Variants in GDI2 observed in about 807,000 individuals in gnomAD.
GDI2 encodes rab GDP dissociation inhibitor beta.
In GDI2, 22 loss-of-function variants were observed where a neutral mutation model predicts 54.2. The ratio of observed to expected loss-of-function variants is 0.41; its 90% CI spans 0.29 to 0.58. The LOEUF (loss-of-function observed/expected upper bound fraction) is 0.58, where lower values mean the gene tolerates loss of function less well. Among genes scored for constraint, GDI2 ranks in the 20% least tolerant of loss-of-function variants. The pLI, the probability that GDI2 is intolerant of heterozygous loss-of-function variation, is 0.35. For missense variants in GDI2, 422 were observed against 546.0 expected (o/e 0.77, Z 2.26); for synonymous variants, 177 against 182.1 (o/e 0.97, Z 0.23).
intron 5 of GDI2, 89 bp from the exon 6 acceptor site, chr10:5,785,362 C>T (rs556895339): frequency 5.2e-5 from 50 of 956,650 alleles, no homozygotes; most frequent in African/African-American, 3.0e-4. Flanking sequence ...GATTTCAATC[C>T]GCTATCTTCT....
chr10:5,796,936 A>G, intron 2 of GDI2, 74 bp from the exon 3 acceptor site: 1 of 714,238 alleles, frequency 1.4e-6, no homozygotes, highest in South Asian at 1.7e-5. Flanking sequence ...CATATTTTTT[A>G]TTAAGTGCTT....
At chr10:5,775,089 A>C (rs924367203) in intron 6 of GDI2, among the ~76,000 whole-genome samples, 1 of 152,214 alleles carries the variant, frequency 6.6e-6, no homozygotes, top group Non-Finnish European at 1.5e-5. Context: ...GGAGTTTAAG[A>C]CCAGCCTTGG....
At chr10:5,783,486 G>A (rs1302889836) in intron 6 of GDI2, among the ~76,000 whole-genome samples, 2 of 152,040 alleles carry the variant, frequency 1.3e-5, no homozygotes, top group Non-Finnish European at 2.9e-5. Flanking sequence ...TCTATTCATC[G>A]TGCTATTTGT....
At chr10:5,788,049 G>A (rs182346451) in intron 4 of GDI2, among the ~76,000 whole-genome samples, 1 of 152,246 alleles carries the variant, frequency 6.6e-6, no homozygotes, top group Non-Finnish European at 1.5e-5. Flanking sequence ...TATGCATGGC[G>A]CCAAATAGTG....
chr10:5,796,927 A>G lies in GDI2; in HGVS notation c.154-65T>C, dbSNP rs1588983933. On this transcript the variant is annotated intron_variant, in intron 2 of 10. Transcript: ENST00000380191. Reference sequence around the variant, plus strand: ...TTTAATTTTTTATTACAATATGTACATATTTTTTATTAAGTGCTTTTAGTA... The same window carrying G: ...TTTAATTTTTTATTACAATATGTACGTATTTTTTATTAAGTGCTTTTAGTA... The G allele has an allele frequency of 1.6e-5, 12 of 752,004 alleles. No individual in the cohort carries two copies. The East Asian group carries it at 2.2e-4, about 14-fold the overall frequency. 46.6% of individuals were successfully genotyped at this position (752,004 alleles called of 1,614,324 possible).
chr10:5,805,095 G>A, intron 1 of GDI2, among the ~76,000 whole-genome samples: 1 of 152,062 alleles, frequency 6.6e-6, no homozygotes, highest in Non-Finnish European at 1.5e-5. Context: ...GCCTCCCAAA[G>A]TGCTGTGATT....
At chr10:5,795,407 C>A (rs1841123093) in intron 3 of GDI2, among the ~76,000 whole-genome samples, 1 of 152,138 alleles carries the variant, frequency 6.6e-6, no homozygotes, top group Non-Finnish European at 1.5e-5. Context: ...AGGCACGAGG[C>A]ACCGCGCCTG....
chr10:5,770,936 A>G (rs1840474657), intron 7 of GDI2, among the ~76,000 whole-genome samples: 2 of 139,834 alleles, frequency 1.4e-5, no homozygotes, highest in Admixed American at 7.8e-5. Context: ...ACTGCACTCC[A>G]GCCTGGGCAA....
intron 6 of GDI2, among the ~76,000 whole-genome samples, chr10:5,783,892 A>G (rs1275488303): frequency 6.6e-6 from 1 of 152,140 alleles, no homozygotes; most frequent in Non-Finnish European, 1.5e-5. Context: ...TCTTGACTTT[A>G]GTTAACCTGA....
Position 5,796,783 on chromosome 10 carries a change from G to T in GDI2, c.233C>A (p.Pro78His). 1 of 1,535,912 alleles carries T rather than the reference G, an allele frequency of 6.5e-7. No homozygotes were observed. Among genetic ancestry groups the T allele is most frequent in the Non-Finnish European group, 9.0e-7 (1 of 1,109,678 alleles). The change falls in exon 3 of 11, where the codon CCC (proline) becomes CAC (histidine). Residue 78 changes from proline to histidine, a missense_variant. Pro to His is a moderately conservative substitution (Grantham distance 77). Transcript: ENST00000380191. ...RGRDWNVDLI[P>H]KFLMANGQLV... is the part of the protein sequence containing the mutation. ...TTTACCATTAGCCATAAGGAACTTG[G>T]GAATCAAGTCAACATTCCAGTCTCT...
chr10:5,779,507 A>T (rs2131691779), intron 6 of GDI2, among the ~76,000 whole-genome samples: 1 of 151,762 alleles, frequency 6.6e-6, no homozygotes, highest in Non-Finnish European at 1.5e-5. Flanking sequence ...CGAAAAAAAA[A>T]AAATAAGAAA....
intron 4 of GDI2, among the ~76,000 whole-genome samples, chr10:5,791,645 G>A (rs1841014935): frequency 6.6e-6 from 1 of 151,992 alleles, no homozygotes; most frequent in African/African-American, 2.4e-5. Context: ...TACTCGGGAG[G>A]CTGAGACAGG....
At chr10:5,767,728 A>G (rs1205541260) in intron 8 of GDI2, among the ~76,000 whole-genome samples, 1 of 152,236 alleles carries the variant, frequency 6.6e-6, no homozygotes, top group East Asian at 1.9e-4. Flanking sequence ...AAATGGGAAC[A>G]TCGAAGGGTT....
chr10:5,768,932 C>G lies in GDI2; in HGVS notation c.820-548G>C, dbSNP rs1397118789. The G allele has an allele frequency of 6.6e-6, 1 of 152,148 alleles. No homozygotes were observed. Among genetic ancestry groups the G allele is most frequent in the Non-Finnish European group, 1.5e-5 (1 of 68,040 alleles). 9.4% of individuals were successfully genotyped at this position (152,148 alleles called of 1,614,324 possible). Reference sequence around the variant, plus strand: ...TGGCAGTAATTCCTTGTATCTAAAACCAAAGACACAGGCAACAAAGGAAAG... The same window carrying G: ...TGGCAGTAATTCCTTGTATCTAAAAGCAAAGACACAGGCAACAAAGGAAAG... On this transcript the variant is annotated intron_variant, in intron 7 of 10. Transcript: ENST00000380191. The surrounding 1 kb of genome is among the most constrained non-coding windows in gnomAD (Gnocchi z 4.4).
chr10:5,794,188 A>AAAAAAAAAATATAT (rs1448053813), intron 4 of GDI2, among the ~76,000 whole-genome samples: 2 of 40,338 alleles, frequency 5.0e-5, no homozygotes, highest in Non-Finnish European at 8.4e-5. Context: ...AAAAAAAAAA[A>AAAAAAAAAATATAT]ATATATATAT....
At chr10:5,793,247 G>A (rs972087331) in intron 4 of GDI2, among the ~76,000 whole-genome samples, 4 of 151,990 alleles carry the variant, frequency 2.6e-5, no homozygotes, top group African/African-American at 4.8e-5. Flanking sequence ...CTCCTACCAC[G>A]GCTTCCCAAA....
intron 7 of GDI2, among the ~76,000 whole-genome samples, chr10:5,770,582 G>C (rs1394906700): frequency 1.3e-5 from 2 of 150,528 alleles, no homozygotes; most frequent in Non-Finnish European, 3.0e-5. Context: ...AAGAGGAAAA[G>C]TGTTATGGAG....
chr10:5,773,041 GT>G (rs1224548781), intron 7 of GDI2, among the ~76,000 whole-genome samples: 1 of 151,964 alleles, frequency 6.6e-6, no homozygotes, highest in Non-Finnish European at 1.5e-5. Flanking sequence ...ATTATCAGGC[GT>G]TTTTTGCCCC....
Position 5,794,877 on chromosome 10 carries a change from C to G in GDI2, c.388+8G>C. ...AAACTAGTTACTAGAGAAAATAAAA[C>G]TACTTACTAGATGCCAGGGCTTCTG... On this transcript the variant is annotated splice_region_variant and intron_variant, in intron 4 of 10. Coordinates refer to ENST00000380191, the MANE Select transcript of GDI2 (RefSeq NM_001494.4). 1.9e-6 allele frequency: 3 copies of G among 1,585,672 alleles called. No individual in the cohort carries two copies. The highest frequency in any genetic ancestry group is 2.6e-6 in the Non-Finnish European group (3 of 1,156,960).
Sources: allele counts gnomAD v4.1 joint callset (sites outside exome capture counted in the v4.1 genomes callset), GRCh38; gene constraint gnomAD v4.1.1; non-coding constraint Gnocchi (gnomAD v3.1); transcripts MANE v1.5; gene names NCBI Gene and HGNC (gene_info 2026-07-23, HGNC 2026-07-21).